Variants in ANKMY1 observed in about 807,000 individuals in gnomAD.
The protein encoded by ANKMY1 is ankyrin repeat and MYND domain containing 1, also known as ankyrin repeat and MYND domain-containing protein 1.
ANKMY1 carries 98 observed loss-of-function variants against 102.0 expected under a neutral mutation model. The ratio of observed to expected loss-of-function variants is 0.96; its 90% CI spans 0.82 to 1.14. ANKMY1 has a LOEUF of 1.14. Among genes scored for constraint, ANKMY1 ranks in the 50% most tolerant of loss-of-function variants. The probability of loss-of-function intolerance (pLI) is 0.00; values close to 1 mark genes in which losing one functional copy is unlikely to be tolerated. For synonymous variants in ANKMY1, 582 were observed against 559.9 expected, an observed-to-expected ratio of 1.04 and a Z score of -0.56; for missense variants, 1,330 against 1,347.6, an observed-to-expected ratio of 0.99 and a Z score of 0.20.
At position 240,554,866 on chromosome 2, in the gene ANKMY1, C is replaced by G. The variant is rs1424537080; in HGVS notation, c.336G>C (p.Glu112Asp). Residue 112 changes from glutamate (E) to aspartate (D), a missense_variant and splice_region_variant, in exon 3 of 18, where the codon GAG becomes GAC. By Grantham distance (45) the Glu-to-Asp change is conservative (BLOSUM62 2). Coordinates refer to ENST00000401804, the MANE Select transcript of ANKMY1 (RefSeq NM_001282771.3). ...GYGKFSWPTGESYHGQFYRDH... is the reference protein window; with the variant it reads ...GYGKFSWPTGDSYHGQFYRDH... Reference sequence around the variant, plus strand: ...GCGGAGAAAGTGTGGAAGCAGTTACCTCGCCTGTGGGCCAAGAGAATTTGC... The same window carrying G: ...GCGGAGAAAGTGTGGAAGCAGTTACGTCGCCTGTGGGCCAAGAGAATTTGC... 2.5e-6 allele frequency: 4 copies of G among 1,614,118 alleles called. No individual in the cohort carries two copies. The highest frequency in any genetic ancestry group is 3.4e-6 in the Non-Finnish European group (4 of 1,179,972).
intron 4 of ANKMY1, among the ~76,000 whole-genome samples, chr2:240,535,192 T>C (rs985557981): frequency 1.3e-5 from 2 of 152,236 alleles, no homozygotes; most frequent in Non-Finnish European, 2.9e-5. Flanking sequence ...TGGTTTTATA[T>C]GTTTTAGGGA....
At chr2:240,478,750 A>C (rs111346278), downstream of ANKMY1, among the ~76,000 whole-genome samples, 468 of 150,764 alleles carry the variant, frequency 3.1e-3, 5 homozygotes, top group Non-Finnish European at 5.6e-3. Flanking sequence ...AAATCACTGC[A>C]GGTGCAGCTG....
rs202053608 is a variant in ANKMY1 at position 240,549,533 on chromosome 2, G to A, written c.480+3381C>T. 3.9e-4 allele frequency among the ~76,000 whole-genome samples: 60 copies of A among 152,294 alleles called. 1 individual carries two copies. In the East Asian group the frequency reaches 9.8e-3, roughly 25 times the overall value. ...ACAAATGGGATCTAATTAAATTAAA[G>A]AGCTTCTGCACAGCAAAAGAAACTA... On this transcript the variant is annotated intron_variant, in intron 4 of 17. Coordinates refer to ENST00000401804, the MANE Select transcript of ANKMY1 (RefSeq NM_001282771.3).
At chr2:240,560,888 G>A (rs764953267), upstream of ANKMY1, 2 of 1,514,058 alleles carry the variant, frequency 1.3e-6, no homozygotes, top group Non-Finnish European at 8.7e-7. Context: ...AGCTGCGCGT[G>A]CCCGTGTTCG....
In ANKMY1 at chr2:240,557,175, G is replaced by T; in HGVS notation, c.146+15C>A. On this transcript the variant is annotated intron_variant, in intron 2 of 17. Coordinates refer to ENST00000401804, the MANE Select transcript of ANKMY1 (RefSeq NM_001282771.3). ...AGGTCAGGGTCGGACCTCCCCGCTG[G>T]AGGGTCCCCCGCACCTTGTGGCGAA... 1 of 1,469,610 alleles carries T rather than the reference G, an allele frequency of 6.8e-7. No homozygotes were observed. The highest frequency in any genetic ancestry group is 1.4e-5 in the South Asian group (1 of 73,150). The allele number at this position is 1,469,610 out of a possible 1,614,324, so 91.0% of individuals were successfully genotyped here.
At chr2:240,509,802 A>C (rs533484828) in intron 11 of ANKMY1, among the ~76,000 whole-genome samples, 5 of 152,216 alleles carry the variant, frequency 3.3e-5, no homozygotes, top group African/African-American at 1.2e-4. Flanking sequence ...CCTGGCATAC[A>C]GCAGGTGTGA....
chr2:240,538,945 A>C (rs1183305609), intron 4 of ANKMY1, among the ~76,000 whole-genome samples: 1 of 152,092 alleles, frequency 6.6e-6, no homozygotes, highest in African/African-American at 2.4e-5. Context: ...AGGATTGTAA[A>C]TGCACCAATC....
chr2:240,553,193 G>T, intron 3 of ANKMY1, 136 bp from the exon 4 acceptor site: 2 of 1,055,090 alleles, frequency 1.9e-6, no homozygotes, highest in Non-Finnish European at 2.7e-6. Context: ...GGGATGCCTG[G>T]CATGCGACTA....
chr2:240,560,971 G>A (rs759401384), upstream of ANKMY1: 14 of 1,518,118 alleles, frequency 9.2e-6, no homozygotes, highest in Non-Finnish European at 5.2e-6. Flanking sequence ...GTGCGCGCCG[G>A]CGGCGCCTGC....
At chr2:240,516,763 G>A (rs760836381) in intron 9 of ANKMY1, among the ~76,000 whole-genome samples, 1 of 152,208 alleles carries the variant, frequency 6.6e-6, no homozygotes, top group Non-Finnish European at 1.5e-5. Context: ...TGTGCCATTG[G>A]ATTAGAGAGG....
chr2:240,521,246 G>A (rs1023254016), intron 8 of ANKMY1, among the ~76,000 whole-genome samples: 8 of 152,142 alleles, frequency 5.3e-5, no homozygotes, highest in South Asian at 2.1e-4. Context: ...AATCGGAGCC[G>A]CGGGAACTAG....
rs1575018758 is a variant in ANKMY1, at chr2:240,506,658, T to G, written c.2526+902A>C. Among the ~76,000 whole-genome samples, 1 of 126,000 alleles carries G rather than the reference T, an allele frequency of 7.9e-6. No homozygotes were observed. The highest frequency in any genetic ancestry group is 3.1e-5 in the African/African-American group (1 of 32,568). The allele number at this position is 126,000 out of a possible 152,430, so 82.7% of individuals were successfully genotyped here. On this transcript the variant is annotated intron_variant, in intron 13 of 17. Coordinates refer to ENST00000401804, the MANE Select transcript of ANKMY1 (RefSeq NM_001282771.3). The surrounding 1 kb of genome is among the most constrained non-coding windows in gnomAD (Gnocchi z 4.9). ...TCCAGACGCCTGAGTCTCACCCCCC[T>G]CCTCCTTCCCCCTTTTTCTCCCTCA...
rs147966621 is a variant in ANKMY1, at chr2:240,516,781, C to G, written c.2004+3581G>C. On this transcript the variant is annotated intron_variant, in intron 9 of 17. Transcript: ENST00000401804. ...GCCATTGGATTAGAGAGGAAACTTC[C>G]AGGACTCTAACTAAAAAGCTGGTGT... 1.6e-4 allele frequency among the ~76,000 whole-genome samples: 25 copies of G among 152,280 alleles called. 1 individual carries two copies. In the East Asian group the frequency reaches 4.8e-3, roughly 29 times the overall value.
Position 240,509,302 on chromosome 2 carries a change from C to T in ANKMY1, c.2394+46G>A, listed in dbSNP as rs529387037. The T allele has an allele frequency of 1.5e-4, 226 of 1,511,134 alleles. 1 individual carries two copies. The East Asian group carries it at 2.7e-3, about 18-fold the overall frequency. The allele number at this position is 1,511,134 out of a possible 1,614,324, so 93.6% of individuals were successfully genotyped here. On this transcript the variant is annotated intron_variant, in intron 12 of 17. Coordinates refer to ENST00000401804, the MANE Select transcript of ANKMY1 (RefSeq NM_001282771.3). Reference sequence around the variant, plus strand: ...GGACTGGTGGGGTGGGCACTGGAGACGGAAACACATAGGTGCACAGGTCTG... The same window carrying T: ...GGACTGGTGGGGTGGGCACTGGAGATGGAAACACATAGGTGCACAGGTCTG...
intron 15 of ANKMY1, among the ~76,000 whole-genome samples, chr2:240,484,854 GA>G (rs1196105694): frequency 2.0e-5 from 3 of 152,006 alleles, no homozygotes; most frequent in African/African-American, 7.2e-5. Flanking sequence ...ACATTTACAA[GA>G]AAAAAACAAA....
At chr2:240,555,110 T>C in intron 2 of ANKMY1, 55 bp from the exon 3 acceptor site, 1 of 1,571,522 alleles carries the variant, frequency 6.4e-7, no homozygotes, top group South Asian at 1.1e-5. Context: ...GTGCCTTCAG[T>C]GACTGCTGAG....
At chr2:240,511,700 G>A (rs74866741) in intron 11 of ANKMY1, among the ~76,000 whole-genome samples, 161 bp downstream of exon 11, 18,212 of 152,280 alleles carry the variant, frequency 0.12, 1,163 homozygotes, top group African/African-American at 0.16. Flanking sequence ...GGGAAATCCC[G>A]TCCTCCCGCC....
intron 4 of ANKMY1, among the ~76,000 whole-genome samples, chr2:240,540,710 C>T (rs1487367359): frequency 6.6e-6 from 1 of 152,246 alleles, no homozygotes; most frequent in Non-Finnish European, 1.5e-5. Context: ...TTTTGCAATA[C>T]TCCTGGTCTC....
At chr2:240,504,565 T>C (rs1206590436) in intron 13 of ANKMY1, among the ~76,000 whole-genome samples, 3 of 151,870 alleles carry the variant, frequency 2.0e-5, no homozygotes, top group Non-Finnish European at 2.9e-5. Context: ...AGAAATGTCC[T>C]AAAACTCAAT....
Sources: gnomAD v4.1 joint callset for allele counts (sites outside exome capture counted in the v4.1 genomes callset) on GRCh38, gnomAD v4.1.1 for gene constraint, Gnocchi (gnomAD v3.1) non-coding constraint, MANE v1.5 for transcripts, NCBI Gene and HGNC (gene_info 2026-07-23, HGNC 2026-07-21) for gene names.